Variants in ATP8B1 observed in about 807,000 individuals in gnomAD.
ATP8B1 encodes the protein phospholipid-transporting ATPase IC.
In ATP8B1, 80 loss-of-function variants were observed where a neutral mutation model predicts 149.9. The ratio of observed to expected loss-of-function variants is 0.53; its 90% confidence interval spans 0.45 to 0.64. The LOEUF is 0.64. Among genes scored for constraint, ATP8B1 ranks in the 30% least tolerant of loss-of-function variants. ATP8B1 has a pLI of 0.00. For missense variants in ATP8B1, 1,247 were observed against 1,552.6 expected, an observed-to-expected ratio of 0.80 and a Z score of 3.31; for synonymous variants, 536 against 562.8, an observed-to-expected ratio of 0.95 and a Z score of 0.67.
chr18:57,763,107 C>T (rs964868454), intron 1 of ATP8B1, among the ~76,000 whole-genome samples: 2 of 152,062 alleles, frequency 1.3e-5, no homozygotes, highest in Non-Finnish European at 2.9e-5. Context: ...AAAAATTGTA[C>T]TCTAGGCCGG....
chr18:57,757,925 G>C (rs1387996147), intron 1 of ATP8B1, among the ~76,000 whole-genome samples: 1 of 152,062 alleles, frequency 6.6e-6, no homozygotes, highest in African/African-American at 2.4e-5. Context: ...GAATTCATTT[G>C]AAATACAACT....
At chr18:57,675,056 T>C in intron 15 of ATP8B1, 34 bp from the exon 16 acceptor site, 1 of 1,609,064 alleles carries the variant, frequency 6.2e-7, no homozygotes, top group Non-Finnish European at 8.5e-7. Context: ...CCAGAAAAGC[T>C]GTAAAAACAA....
At position 57,803,071 on chromosome 18, in the gene ATP8B1, C is replaced by T. The variant is rs1861077327; in HGVS notation, c.-99G>A. The T allele has an allele frequency of 2.0e-5, 3 of 151,614 alleles. No homozygotes were observed. Among genetic ancestry groups the T allele is most frequent in the African/African-American group, 7.3e-5 (3 of 41,376 alleles). The allele number at this position is 151,614 out of a possible 1,614,324, so 9.4% of individuals were successfully genotyped here. ...TCGGAGCGCTCGCTGCGCACCTGGC[C>T]GCTGCCGCCGCCCGCCCGGCCCCAG... On this transcript the variant is annotated 5_prime_UTR_variant, in exon 1 of 28. Transcript: ENST00000648908.
intron 23 of ATP8B1, among the ~76,000 whole-genome samples, chr18:57,654,311 A>G (rs1396218114): frequency 6.6e-6 from 1 of 150,464 alleles, no homozygotes; most frequent in Non-Finnish European, 1.5e-5. Context: ...CTGGCCTGTT[A>G]TCAATATTCT....
At chr18:57,698,969 T>C (rs181996247) in intron 6 of ATP8B1, among the ~76,000 whole-genome samples, 3 of 152,314 alleles carry the variant, frequency 2.0e-5, no homozygotes, top group East Asian at 3.9e-4. Context: ...ACTATAAATT[T>C]CTCAAGGATA....
intron 1 of ATP8B1, among the ~76,000 whole-genome samples, chr18:57,763,267 C>T (rs1380404563): frequency 6.6e-6 from 1 of 152,098 alleles, no homozygotes; most frequent in Non-Finnish European, 1.5e-5. Context: ...TGGCACGTGC[C>T]TATAATCCCA....
intron 1 of ATP8B1, among the ~76,000 whole-genome samples, chr18:57,775,927 A>AG (rs2080302540): frequency 6.6e-6 from 1 of 152,186 alleles, no homozygotes. Context: ...TACAGGCGTG[A>AG]GCTGCTGCGC....
intron 1 of ATP8B1, chr18:57,732,133 A>ATATATGTATATATGTGTATATATG (rs764398507): frequency 2.1e-5 from 1 of 48,102 alleles, no homozygotes; most frequent in African/African-American, 8.9e-5. Context: ...ATATGTGTAT[A>ATATATGTATATATGTGTATATATG]TGTATATATG....
Position 57,646,553 on chromosome 18 carries a change from T to C in ATP8B1, c.*1935A>G, listed in dbSNP as rs1909190471. 1 of 152,652 alleles carries C rather than the reference T, an allele frequency of 6.6e-6. No individual in the cohort carries two copies. Among genetic ancestry groups the C allele is most frequent in the Non-Finnish European group, 1.5e-5 (1 of 68,034 alleles). 9.5% of individuals were successfully genotyped at this position (152,652 alleles called of 1,614,324 possible). A position where few individuals can be genotyped will look rare whatever the true frequency, so the allele number is the denominator to read the frequency against. On this transcript the variant is annotated 3_prime_UTR_variant, in exon 28 of 28. Transcript: ENST00000648908. ...TATCCAAAGAAATTTGCATTTAAAA[T>C]TGTTAATATTGCACCCAACAGTATG...
chr18:57,781,743 G>A (rs1391363495), intron 1 of ATP8B1, among the ~76,000 whole-genome samples: 2 of 152,200 alleles, frequency 1.3e-5, no homozygotes, highest in Admixed American at 1.3e-4. Context: ...GGGAGGCCGA[G>A]ATGGGAGGAT....
intron 22 of ATP8B1, among the ~76,000 whole-genome samples, chr18:57,660,534 T>G (rs1910320902): frequency 6.6e-6 from 1 of 152,222 alleles, no homozygotes; most frequent in African/African-American, 2.4e-5. Context: ...GTTTTGTTTT[T>G]TTGAGATGGA....
intron 27 of ATP8B1, 138 bp from the exon 28 acceptor site, chr18:57,648,850 ACT>A: frequency 2.2e-6 from 1 of 452,292 alleles, no homozygotes; most frequent in Non-Finnish European, 3.8e-6. Flanking sequence ...TTCTGTCCCC[ACT>A]TGTGTGTGTG....
chr18:57,649,542 A>G (rs1394957906), intron 27 of ATP8B1, among the ~76,000 whole-genome samples: 1 of 152,172 alleles, frequency 6.6e-6, no homozygotes, highest in African/African-American at 2.4e-5. Context: ...AGGTTGCCTC[A>G]GTAGCCTCTA....
At chr18:57,716,143 T>G (rs2079580894) in intron 2 of ATP8B1, among the ~76,000 whole-genome samples, 1 of 152,094 alleles carries the variant, frequency 6.6e-6, no homozygotes, top group Non-Finnish European at 1.5e-5. Flanking sequence ...AATAATGAGT[T>G]ATTAGACAGT....
chr18:57,661,454 A>G lies in ATP8B1; in HGVS notation c.2427T>C (p.Ile809=), dbSNP rs1910399278. The change falls in exon 22 of 28, where the codon ATT becomes ATC. Residue 809 remains isoleucine (I), a synonymous_variant. Transcript: ENST00000648908. ...LIITGSWLNE[I]LLEKKTKRNK... ...TTCTCTTGGTCTTTTTCTCGAGAAG[A>G]ATTTCATTCTGTGAAATCAGAGAGG... 1.2e-6 allele frequency: 2 copies of G among 1,613,262 alleles called. No individual in the cohort carries two copies. Among genetic ancestry groups the G allele is most frequent in the Non-Finnish European group, 1.7e-6 (2 of 1,179,664 alleles).
chr18:57,732,337 ATATATATG>A (rs1295193993), intron 1 of ATP8B1, among the ~76,000 whole-genome samples: 15,336 of 46,412 alleles, frequency 0.33, 5,664 homozygotes, highest in East Asian at 0.38. Context: ...ATATGTGTGT[ATATATATG>A]TATATATGTG....
At chr18:57,649,190 A>ATCTATCTATCTATCTATCTATCTATC (rs1909427425) in intron 27 of ATP8B1, among the ~76,000 whole-genome samples, 2 of 148,096 alleles carry the variant, frequency 1.4e-5, no homozygotes, top group South Asian at 2.2e-4. Context: ...GTGCTTGGCT[A>ATCTATCTATCTATCTATCTATCTATC]TATCTATCTA....
intron 22 of ATP8B1, among the ~76,000 whole-genome samples, chr18:57,656,783 G>A (rs546078391): frequency 6.9e-6 from 1 of 145,712 alleles, no homozygotes; most frequent in South Asian, 2.3e-4. Context: ...AATGGGGGGA[G>A]AGAAGAGTGG....
At position 57,679,229 on chromosome 18, in the gene ATP8B1, CAA is replaced by C. The variant is rs1040600652; in HGVS notation, c.1631-4209_1631-4208del. Reference sequence around the variant, plus strand: ...TGGGCAACAGAGCAAGACTCTGTCTCAAAAAAAAAAAAGAATAAAAAAGAAAA... The same window carrying C: ...TGGGCAACAGAGCAAGACTCTGTCTCAAAAAAAAAAGAATAAAAAAGAAAA... On this transcript the variant is annotated intron_variant, in intron 15 of 27. Coordinates refer to ENST00000648908, the MANE Select transcript of ATP8B1 (RefSeq NM_001374385.1). Among the ~76,000 whole-genome samples, 5 of 134,344 alleles carry C rather than the reference CAA, an allele frequency of 3.7e-5. No individual in the cohort carries two copies. The South Asian group carries it at 7.0e-4, about 19-fold the overall frequency. The allele number at this position is 134,344 out of a possible 152,430, so 88.1% of individuals were successfully genotyped here. A position where few individuals can be genotyped will look rare whatever the true frequency, so the allele number is the denominator to read the frequency against.
Sources: gnomAD v4.1 joint callset for allele counts (sites outside exome capture counted in the v4.1 genomes callset) on GRCh38, gnomAD v4.1.1 for gene constraint, MANE v1.5 for transcripts, NCBI Gene and HGNC (gene_info 2026-07-23, HGNC 2026-07-21) for gene names.